PCDH15: variants seen among roughly 807,000 people sequenced by gnomAD.
PCDH15 encodes protocadherin-15.
PCDH15 carries 129 observed loss-of-function variants against 178.5 expected under a neutral mutation model. That is an observed-to-expected ratio of 0.72 (90% CI 0.63 to 0.84). The LOEUF (loss-of-function observed/expected upper bound fraction) is 0.84. PCDH15 is among the 40% of genes least tolerant of loss of function. The pLI is 0.00. For synonymous variants in PCDH15, 800 were observed against 732.0 expected, an observed-to-expected ratio of 1.09 and a Z score of -1.50; for missense variants, 2,230 against 2,099.9, an observed-to-expected ratio of 1.06 and a Z score of -1.21.
At chr10:54,054,550 T>TATA (rs1442075090) in intron 18 of PCDH15, among the ~76,000 whole-genome samples, 3 of 152,262 alleles carry the variant, frequency 2.0e-5, no homozygotes, top group Non-Finnish European at 2.9e-5. Flanking sequence ...ATTTCACAAC[T>TATA]ATAAATATTT....
intron 2 of PCDH15, among the ~76,000 whole-genome samples, chr10:55,112,554 G>T (rs996942786): frequency 1.3e-5 from 2 of 152,214 alleles, no homozygotes; most frequent in Non-Finnish European, 2.9e-5. Flanking sequence ...AAGTTAAGCA[G>T]TCAAAACACA....
intron 21 of PCDH15, among the ~76,000 whole-genome samples, chr10:53,982,403 A>C (rs1485554867): frequency 2.0e-5 from 3 of 152,156 alleles, no homozygotes; most frequent in Non-Finnish European, 2.9e-5. Context: ...CACAATAGCA[A>C]AGACTTGGAA....
intron 1 of PCDH15, among the ~76,000 whole-genome samples, chr10:54,763,961 T>C (rs1948212540): frequency 6.6e-6 from 1 of 151,604 alleles, no homozygotes; most frequent in African/African-American, 2.4e-5. Context: ...ATATAACGTA[T>C]TAGATCTAAT....
chr10:54,001,305 G>C (rs2092123368), intron 20 of PCDH15, among the ~76,000 whole-genome samples: 1 of 152,118 alleles, frequency 6.6e-6, no homozygotes, highest in Admixed American at 6.6e-5. Flanking sequence ...CACTGTAACT[G>C]TGGTGGTGTA....
In PCDH15 at chr10:55,479,270, G is replaced by A. The variant is rs999949448; in HGVS notation, c.-156+148355C>T. ...AAATCCAAGCCAACTAAATCCAAGA[G>A]AACATCAAAAAGGTCATTCAGTAAT... is the stretch of plus-strand genomic sequence containing the variant. On this transcript the variant is annotated intron_variant, in intron 2 of 5. Transcript: ENST00000613346. 2.6e-5 allele frequency among the ~76,000 whole-genome samples: 4 copies of A among 151,368 alleles called. No individual in the cohort carries two copies. In the East Asian group the frequency reaches 5.8e-4, roughly 22 times the overall value.
At chr10:54,987,226 T>TG (rs1236589098) in intron 2 of PCDH15, among the ~76,000 whole-genome samples, 3 of 152,170 alleles carry the variant, frequency 2.0e-5, no homozygotes, top group African/African-American at 7.2e-5. Flanking sequence ...TAGTATTCCA[T>TG]GGGGTGTATG....
At chr10:54,889,500 G>GATAGATATATATATATAT (rs1554811034) in intron 3 of PCDH15, among the ~76,000 whole-genome samples, 1 of 142,008 alleles carries the variant, frequency 7.0e-6, no homozygotes, top group Non-Finnish European at 1.6e-5. Flanking sequence ...TAATTGTGAA[G>GATAGATATATATATATAT]ATATATATAT....
intron 2 of PCDH15, among the ~76,000 whole-genome samples, chr10:55,543,882 CT>C (rs577104759): frequency 2.6e-4 from 40 of 151,166 alleles, no homozygotes; most frequent in Non-Finnish European, 5.6e-4. Context: ...TCCTTCCTTC[CT>C]TTTTTTCTTC....
In PCDH15 at chr10:54,421,662, G is replaced by GTA. The variant is rs1335026971; in HGVS notation, c.158-42722_158-42721dup. ...ACATTTATATATGTACATGTGTAGT[G>GTA]TATATATACATATATATATATATAT... On this transcript the variant is annotated intron_variant, in intron 3 of 37. Transcript: ENST00000644397. Among the ~76,000 whole-genome samples the GTA allele has an allele frequency of 2.7e-3, 194 of 70,936 alleles. 10 individuals are homozygous for GTA. The highest frequency in any genetic ancestry group is 0.012 in the African/African-American group (181 of 15,442). The allele number at this position is 70,936 out of a possible 152,430, so 46.5% of individuals were successfully genotyped here.
Position 54,928,822 on chromosome 10 carries a change from C to T in PCDH15, c.-79-31322G>A, listed in dbSNP as rs1027277162. Among the ~76,000 whole-genome samples, 5 of 152,100 alleles carry T rather than the reference C, an allele frequency of 3.3e-5. No individual in the cohort carries two copies. The South Asian group carries it at 8.3e-4, about 25-fold the overall frequency. On this transcript the variant is annotated intron_variant, in intron 2 of 5. Coordinates refer to the PCDH15 transcript ENST00000458638. The stretch of plus-strand genomic sequence containing the variant: ...GTACTGGCTATTTTGTCTGTCAGCA[C>T]CTGTATCATTGTATTGTGATTCATA...
At chr10:55,367,396 C>T (rs1845391637) in intron 2 of PCDH15, among the ~76,000 whole-genome samples, 2 of 151,874 alleles carry the variant, frequency 1.3e-5, no homozygotes, top group Admixed American at 1.3e-4. Context: ...GCCTAGGAAA[C>T]ATAGGGAGGC....
chr10:54,621,159 G>T (rs1476587461), intron 2 of PCDH15, among the ~76,000 whole-genome samples: 1 of 151,852 alleles, frequency 6.6e-6, no homozygotes, highest in Admixed American at 6.6e-5. Context: ...AAATTTTGTT[G>T]TAATTATTTG....
chr10:54,272,009 C>CAT lies in PCDH15; in HGVS notation c.877-35080_877-35079dup, dbSNP rs954401404. Among the ~76,000 whole-genome samples, 625 of 143,480 alleles carry CAT rather than the reference C, an allele frequency of 4.4e-3. 3 individuals are homozygous for CAT. Among genetic ancestry groups the CAT allele is most frequent in the African/African-American group, 0.014 (567 of 39,568 alleles). 94.1% of individuals were successfully genotyped at this position (143,480 alleles called of 152,430 possible). ...TAACATATATATGATATATATATAT[C>CAT]ATATATATATATTTTATATATAATA... On this transcript the variant is annotated intron_variant, in intron 8 of 37. Coordinates refer to ENST00000644397, the MANE Select transcript of PCDH15 (RefSeq NM_001384140.1).
chr10:55,217,632 G>A (rs1456140838), intron 1 of PCDH15, among the ~76,000 whole-genome samples: 4 of 151,578 alleles, frequency 2.6e-5, no homozygotes, highest in East Asian at 3.9e-4. Flanking sequence ...AATCATAATA[G>A]AACAGCTTTA....
chr10:54,471,353 T>C (rs1313317319), intron 3 of PCDH15, among the ~76,000 whole-genome samples: 1 of 152,114 alleles, frequency 6.6e-6, no homozygotes, highest in Non-Finnish European at 1.5e-5. Context: ...CCCAAACTTG[T>C]GTTTTTTAAC....
intron 2 of PCDH15, among the ~76,000 whole-genome samples, chr10:54,567,899 T>C (rs2133496685): frequency 6.6e-6 from 1 of 152,258 alleles, no homozygotes; most frequent in East Asian, 1.9e-4. Context: ...AAAAAGAAGC[T>C]TTCATCCTCT....
At chr10:55,286,397 G>A (rs891529597) in intron 1 of PCDH15, among the ~76,000 whole-genome samples, 3 of 151,614 alleles carry the variant, frequency 2.0e-5, no homozygotes, top group East Asian at 1.9e-4. Context: ...GCTATATATT[G>A]ATTTATATTT....
chr10:53,947,554 TAA>T (rs147573757), intron 23 of PCDH15, among the ~76,000 whole-genome samples: 1 of 146,994 alleles, frequency 6.8e-6, no homozygotes, highest in Non-Finnish European at 1.5e-5. Context: ...AAGGGAAGAA[TAA>T]AAAAAAAACA....
chr10:55,457,085 A>G (rs1377072408), intron 2 of PCDH15, among the ~76,000 whole-genome samples: 1 of 152,108 alleles, frequency 6.6e-6, no homozygotes, highest in Non-Finnish European at 1.5e-5. Context: ...TGAAAGTACG[A>G]AGTCCTAAAA....
Sources: allele counts gnomAD v4.1 joint callset (sites outside exome capture counted in the v4.1 genomes callset), GRCh38; gene constraint gnomAD v4.1.1; transcripts MANE v1.5; gene names NCBI Gene and HGNC (gene_info 2026-07-23, HGNC 2026-07-21).